Variants in CACNA1S observed in about 807,000 individuals in gnomAD.
The protein encoded by CACNA1S is calcium voltage-gated channel subunit alpha1 S, also known as voltage-dependent L-type calcium channel subunit alpha-1S.
A neutral mutation model predicts 207.4 loss-of-function variants in CACNA1S; 126 were observed. That is an observed-to-expected ratio of 0.61 (90% CI 0.53 to 0.70). CACNA1S has a LOEUF of 0.70. Ranked by LOEUF, CACNA1S falls within the 30% of genes least tolerant of loss-of-function variation. The pLI is 0.00. For synonymous variants in CACNA1S, 960 were observed against 932.7 expected (o/e 1.03, Z -0.53); for missense variants, 2,349 against 2,422.8 (o/e 0.97, Z 0.64).
intron 25 of CACNA1S, 124 bp from the exon 26 acceptor site, chr1:201,060,940 G>A: frequency 1.7e-6 from 2 of 1,197,980 alleles, no homozygotes; most frequent in East Asian, 4.6e-5. Context: ...GCTGAGGACT[G>A]TGAACTGTTT....
At chr1:201,061,119 G>T (rs1661030878) in intron 25 of CACNA1S, 148 bp downstream of exon 25, 1 of 726,050 alleles carries the variant, frequency 1.4e-6, no homozygotes, top group South Asian at 1.6e-5. Context: ...TTGGAGATAG[G>T]GTAGGGTGCA....
intron 10 of CACNA1S, 147 bp from the exon 11 acceptor site, chr1:201,078,251 G>T: frequency 1.4e-6 from 1 of 717,448 alleles, no homozygotes; most frequent in Non-Finnish European, 2.5e-6. Context: ...AGGGGGCAGG[G>T]CCTCACTCTG....
At chr1:201,075,660 G>A in intron 12 of CACNA1S, 45 bp from the exon 13 acceptor site, 1 of 1,607,850 alleles carries the variant, frequency 6.2e-7, no homozygotes. Flanking sequence ...AGAGGGGCCT[G>A]AGAGTCTTCT....
intron 2 of CACNA1S, among the ~76,000 whole-genome samples, chr1:201,102,697 T>C (rs902666953): frequency 6.6e-6 from 1 of 152,212 alleles, no homozygotes; most frequent in African/African-American, 2.4e-5. Context: ...ACAGAGGGAT[T>C]AATTTCTCCA....
Position 201,053,431 on chromosome 1 carries a change from C to T in CACNA1S, c.3795+28G>A, listed in dbSNP as rs376018886. 43 of 1,613,990 alleles carry T rather than the reference C, an allele frequency of 2.7e-5. No homozygotes were observed. The highest frequency in any genetic ancestry group is 2.0e-4 in the African/African-American group (15 of 74,906). ...ATGTCCCTAGTGGCCTCCCCAGGTA[C>T]GTGCAGTTTCCAGGGTCCCTGTTGC... On this transcript the variant is annotated intron_variant, in intron 30 of 43. Coordinates refer to ENST00000362061, the MANE Select transcript of CACNA1S (RefSeq NM_000069.3). This position sits in a 1 kb window ranked among gnomAD's most constrained non-coding sequence, Gnocchi z 5.1.
At chr1:201,049,483 C>T (rs961218464) in intron 34 of CACNA1S, among the ~76,000 whole-genome samples, 1 of 108,014 alleles carries the variant, frequency 9.3e-6, no homozygotes. Flanking sequence ...AGCCCACTTC[C>T]AGAGGCTGGT....
At chr1:201,074,839 C>T (rs1043859029) in intron 13 of CACNA1S, among the ~76,000 whole-genome samples, 12 of 152,214 alleles carry the variant, frequency 7.9e-5, no homozygotes, top group Admixed American at 5.2e-4. Context: ...GAATCCCATC[C>T]GTTTCCTGTC....
chr1:201,093,420 G>T (rs899271435), intron 3 of CACNA1S, among the ~76,000 whole-genome samples: 3 of 152,190 alleles, frequency 2.0e-5, no homozygotes, highest in Non-Finnish European at 4.4e-5. Flanking sequence ...TGTTGTTTCA[G>T]CTTCCCAATC....
rs7411680 is a variant in CACNA1S, at chr1:201,065,739, G to A, written c.2853+99C>T. The A allele has an allele frequency of 0.024, 19,154 of 797,468 alleles. 1,125 individuals carry two copies. The highest frequency in any genetic ancestry group is 0.18 in the African/African-American group (10,585 of 59,130). The allele number at this position is 797,468 out of a possible 1,614,324, so 49.4% of individuals were successfully genotyped here. A position where few individuals can be genotyped will look rare whatever the true frequency, so the allele number is the denominator to read the frequency against. On this transcript the variant is annotated intron_variant, in intron 22 of 43. Coordinates refer to ENST00000362061, the MANE Select transcript of CACNA1S (RefSeq NM_000069.3). ...TTCTCATATGGAAATCTGTGCATTCGAAGACATCTGTTTTCACAATGTGGG... is the reference window on the plus strand; with the variant it reads ...TTCTCATATGGAAATCTGTGCATTCAAAGACATCTGTTTTCACAATGTGGG...
chr1:201,075,086 C>T (rs929382511), intron 13 of CACNA1S, among the ~76,000 whole-genome samples: 12 of 152,162 alleles, frequency 7.9e-5, no homozygotes, highest in Admixed American at 2.0e-4. Flanking sequence ...GTTCTGGCTC[C>T]GTCCTTCTGG....
chr1:201,051,047 G>A lies in CACNA1S; in HGVS notation c.4050C>T (p.Tyr1350=), dbSNP rs1660630014. Reference sequence around the variant, plus strand: ...AGTATGCAAAGTTGGTGCCACATGTGTACTCCTCCCCTGGGGCATAGTCCG... The same window carrying A: ...AGTATGCAAAGTTGGTGCCACATGTATACTCCTCCCCTGGGGCATAGTCCG... ...PESDYAPGEE[Y]TCGTNFAYYY... The change falls in exon 33 of 44, where the codon TAC becomes TAT. Residue 1350 remains tyrosine (Y), a synonymous_variant. Transcript: ENST00000362061. 3.1e-6 allele frequency: 5 copies of A among 1,614,206 alleles called. No homozygotes were observed. The South Asian group carries it at 5.5e-5, about 18-fold the overall frequency.
intron 18 of CACNA1S, 34 bp from the exon 19 acceptor site, chr1:201,069,230 AGAG>A: frequency 1.3e-6 from 2 of 1,598,528 alleles, no homozygotes; most frequent in Non-Finnish European, 1.7e-6. Context: ...GCAGCCAGTG[AGAG>A]GAGGAGGGGG....
intron 37 of CACNA1S, 100 bp downstream of exon 37, chr1:201,047,425 A>G: frequency 7.9e-7 from 1 of 1,260,566 alleles, no homozygotes; most frequent in Non-Finnish European, 1.1e-6. Context: ...TTTATGGAGG[A>G]TCTGGTCCGT....
intron 28 of CACNA1S, among the ~76,000 whole-genome samples, chr1:201,057,129 C>T (rs1351341905): frequency 6.6e-6 from 1 of 152,254 alleles, no homozygotes. Context: ...TCATCTCCCT[C>T]AGAATAAAAT....
chr1:201,056,150 C>T (rs1660838291), intron 28 of CACNA1S, among the ~76,000 whole-genome samples: 1 of 152,160 alleles, frequency 6.6e-6, no homozygotes, highest in African/African-American at 2.4e-5. Flanking sequence ...AGCTCAGCGC[C>T]CCCAGGGGAT....
Position 201,078,517 on chromosome 1 carries a change from C to CAA in CACNA1S, c.1394-415_1394-414dup, listed in dbSNP as rs10581578. 4.0e-3 allele frequency among the ~76,000 whole-genome samples: 483 copies of CAA among 121,394 alleles called. 6 individuals are homozygous for CAA. Among genetic ancestry groups the CAA allele is most frequent in the Non-Finnish European group, 5.8e-3 (344 of 59,524 alleles). 79.6% of individuals were successfully genotyped at this position (121,394 alleles called of 152,430 possible). On this transcript the variant is annotated intron_variant, in intron 10 of 43. Coordinates refer to ENST00000362061, the MANE Select transcript of CACNA1S (RefSeq NM_000069.3). The stretch of plus-strand genomic sequence containing the variant: ...GCCCAGCGAATTTTTAAATTAGCTT[C>CAA]AAAAAAAAAAAAAAAAAAAAAACCC...
chr1:201,087,354 T>C (rs1183991101), intron 7 of CACNA1S, among the ~76,000 whole-genome samples: 1 of 152,166 alleles, frequency 6.6e-6, no homozygotes. Flanking sequence ...GGGATTTAAA[T>C]GTGGGCATTC....
chr1:201,085,719 C>A, intron 7 of CACNA1S, 138 bp from the exon 8 acceptor site: 1 of 916,456 alleles, frequency 1.1e-6, no homozygotes, highest in Non-Finnish European at 1.7e-6. Context: ...TGCCTGGGGT[C>A]CAGGTGCCCC....
chr1:201,040,180 A>G, intron 43 of CACNA1S, 51 bp downstream of exon 43: 1 of 1,612,234 alleles, frequency 6.2e-7, no homozygotes, highest in South Asian at 1.1e-5. Flanking sequence ...CCAGGCCATC[A>G]CAGGGCCACC....
Sources: allele counts gnomAD v4.1 joint callset (sites outside exome capture counted in the v4.1 genomes callset), GRCh38; gene constraint gnomAD v4.1.1; non-coding constraint Gnocchi (gnomAD v3.1); transcripts MANE v1.5; gene names NCBI Gene and HGNC (gene_info 2026-07-23, HGNC 2026-07-21).